The following SLC44A5 variants were observed in gnomAD, a reference collection of about 807,000 sequenced individuals.
SLC44A5 encodes the protein choline transporter-like protein 5.
Under a neutral mutation model 101.8 loss-of-function variants are expected in SLC44A5, and 57 were observed. The ratio of observed to expected loss-of-function variants is 0.56; its 90% CI spans 0.45 to 0.70. SLC44A5 has a LOEUF of 0.70. SLC44A5 is among the 30% of genes least tolerant of loss of function. The pLI is 0.00. For synonymous variants in SLC44A5, 281 were observed against 290.9 expected, an observed-to-expected ratio of 0.97 and a Z score of 0.35; for missense variants, 737 against 853.1, an observed-to-expected ratio of 0.86 and a Z score of 1.70.
intron 3 of SLC44A5, among the ~76,000 whole-genome samples, chr1:75,362,042 T>G (rs900643618): frequency 3.9e-5 from 6 of 152,066 alleles, no homozygotes; most frequent in Non-Finnish European, 8.8e-5. Context: ...TCTTGGTAGA[T>G]TGTATGTGTC....
chr1:75,411,245 A>G (rs570289502), intron 2 of SLC44A5, among the ~76,000 whole-genome samples: 1 of 152,232 alleles, frequency 6.6e-6, no homozygotes, highest in South Asian at 2.1e-4. Context: ...TTGAGAAGGA[A>G]GAAAGGGGTC....
At chr1:75,316,987 C>A (rs530436485) in intron 4 of SLC44A5, among the ~76,000 whole-genome samples, 18 of 152,332 alleles carry the variant, frequency 1.2e-4, no homozygotes, top group African/African-American at 3.8e-4. Context: ...TAGGCAATAT[C>A]AGATTGTTTT....
chr1:75,519,415 G>A (rs900364055), intron 2 of SLC44A5, among the ~76,000 whole-genome samples: 8 of 152,204 alleles, frequency 5.3e-5, no homozygotes, highest in Admixed American at 2.0e-4. Context: ...AAAATTAGCC[G>A]GGCATGGCGG....
intron 1 of SLC44A5, among the ~76,000 whole-genome samples, chr1:75,555,592 C>G (rs1449702982): frequency 1.3e-5 from 2 of 151,960 alleles, no homozygotes; most frequent in Non-Finnish European, 2.9e-5. Context: ...AAAGCCAAGC[C>G]ATTATGCTAG....
At chr1:75,709,478 T>C in the SLC44A5 span, among the ~76,000 whole-genome samples, 2 of 152,212 alleles carry the variant, frequency 1.3e-5, no homozygotes, top group Non-Finnish European at 2.9e-5. Flanking sequence ...TTTTTAACTA[T>C]CTGAAGCTCA....
At chr1:75,414,902 C>G (rs1663539276) in intron 2 of SLC44A5, among the ~76,000 whole-genome samples, 1 of 152,112 alleles carries the variant, frequency 6.6e-6, no homozygotes, top group African/African-American at 2.4e-5. Flanking sequence ...GAATTTTTAT[C>G]TTTACTGTGA....
At chr1:75,689,846 A>G in the SLC44A5 span, among the ~76,000 whole-genome samples, 1 of 152,288 alleles carries the variant, frequency 6.6e-6, no homozygotes, top group East Asian at 1.9e-4. Context: ...TTGCTTGTTT[A>G]GCCTCCTTGT....
At chr1:75,264,925 A>G (rs1650865323) in intron 6 of SLC44A5, among the ~76,000 whole-genome samples, 1 of 152,146 alleles carries the variant, frequency 6.6e-6, no homozygotes, top group Admixed American at 6.6e-5. Context: ...ATCAAAAATA[A>G]AAGAGGAGAC....
At chr1:75,389,853 A>G (rs1661664454) in intron 3 of SLC44A5, among the ~76,000 whole-genome samples, 1 of 152,122 alleles carries the variant, frequency 6.6e-6, no homozygotes. Context: ...AAAATTCATT[A>G]AAAAGGATCA....
intron 2 of SLC44A5, among the ~76,000 whole-genome samples, chr1:75,485,055 C>T (rs558580542): frequency 6.6e-6 from 1 of 152,298 alleles, no homozygotes; most frequent in East Asian, 1.9e-4. Context: ...TCTGAAATGC[C>T]CTGGAGACAT....
At chr1:75,301,128 T>C (rs1206510110) in intron 4 of SLC44A5, among the ~76,000 whole-genome samples, 1 of 152,190 alleles carries the variant, frequency 6.6e-6, no homozygotes, top group East Asian at 1.9e-4. Context: ...TATTATTAGA[T>C]AAAGGATTGA....
intron 2 of SLC44A5, among the ~76,000 whole-genome samples, chr1:75,468,453 C>G (rs182497127): frequency 6.6e-6 from 1 of 151,988 alleles, no homozygotes; most frequent in Non-Finnish European, 1.5e-5. Context: ...ATAAAGAAAA[C>G]ATCATATTAT....
chr1:75,476,642 C>A (rs1002882303), intron 2 of SLC44A5, among the ~76,000 whole-genome samples: 4 of 152,234 alleles, frequency 2.6e-5, no homozygotes, highest in African/African-American at 9.6e-5. Flanking sequence ...CGGAGTCTCG[C>A]TGATTGCTAG....
At chr1:75,300,552 C>A in intron 5 of SLC44A5, 60 bp downstream of exon 5, 1 of 1,120,016 alleles carries the variant, frequency 8.9e-7, no homozygotes, top group Non-Finnish European at 1.3e-6. Flanking sequence ...TTATATGTGA[C>A]ACTGACTTAG....
intron 2 of SLC44A5, among the ~76,000 whole-genome samples, chr1:75,499,845 C>G (rs1212998207): frequency 6.6e-6 from 1 of 152,172 alleles, no homozygotes; most frequent in East Asian, 1.9e-4. Flanking sequence ...ATTATCCCTT[C>G]TCCTGGGCAC....
intron 9 of SLC44A5, among the ~76,000 whole-genome samples, chr1:75,239,738 C>T (rs550931214): frequency 6.0e-4 from 91 of 152,038 alleles, no homozygotes; most frequent in Non-Finnish European, 1.1e-3. Flanking sequence ...TCCCAGTGAT[C>T]CCAATGACCT....
chr1:75,637,538 G>C, the SLC44A5 span, among the ~76,000 whole-genome samples: 2 of 151,978 alleles, frequency 1.3e-5, no homozygotes, highest in Non-Finnish European at 2.9e-5. Context: ...AATGGGTACA[G>C]AGTTTCTGTC....
chr1:75,505,740 A>AT (rs1669216708), intron 2 of SLC44A5, among the ~76,000 whole-genome samples: 2 of 152,002 alleles, frequency 1.3e-5, no homozygotes, highest in African/African-American at 4.8e-5. Context: ...ATACTTTTGG[A>AT]TTTCAGATAT....
At chr1:75,280,992 A>T (rs1232337036) in intron 5 of SLC44A5, among the ~76,000 whole-genome samples, 1 of 152,110 alleles carries the variant, frequency 6.6e-6, no homozygotes, top group Non-Finnish European at 1.5e-5. Context: ...ACACCCAAAA[A>T]TGTGGAAGTT....
Sources: gnomAD v4.1 joint callset for allele counts (sites outside exome capture counted in the v4.1 genomes callset) on GRCh38, gnomAD v4.1.1 for gene constraint, MANE v1.5 for transcripts, NCBI Gene and HGNC (gene_info 2026-07-23, HGNC 2026-07-21) for gene names.